The following RNF38 variants were observed in gnomAD, a reference collection of about 807,000 sequenced individuals.
RNF38 encodes the protein E3 ubiquitin-protein ligase RNF38.
In RNF38, 15 loss-of-function variants were observed where a neutral mutation model predicts 67.2. The ratio of observed to expected loss-of-function variants is 0.22; its 90% CI spans 0.15 to 0.34. The LOEUF (loss-of-function observed/expected upper bound fraction) is 0.34. Ranked by LOEUF, RNF38 falls within the 10% of genes least tolerant of loss-of-function variation. The probability of loss-of-function intolerance (pLI) is 1.00; values close to 1 mark genes in which losing one functional copy is unlikely to be tolerated. For synonymous variants in RNF38, 220 were observed against 218.8 expected (o/e 1.01, Z -0.05); for missense variants, 524 against 639.9 (o/e 0.82, Z 1.95).
At chr9:36,340,245 C>T (rs1334585086) in intron 11 of RNF38, among the ~76,000 whole-genome samples, 5 of 152,100 alleles carry the variant, frequency 3.3e-5, no homozygotes, top group Admixed American at 6.5e-5. Context: ...TCCCAAGGTG[C>T]TGGGATTACA....
intron 1 of RNF38, among the ~76,000 whole-genome samples, chr9:36,463,336 G>A (rs1839780503): frequency 1.3e-5 from 2 of 152,116 alleles, no homozygotes; most frequent in African/African-American, 4.8e-5. Context: ...TAATAAACTG[G>A]CACTTTCAGT....
intron 1 of RNF38, among the ~76,000 whole-genome samples, chr9:36,483,749 C>G (rs1382929763): frequency 2.0e-5 from 3 of 152,184 alleles, no homozygotes. Context: ...GACATAATGA[C>G]ATGTTTACCT....
chr9:36,424,669 A>C (rs886498812), exon 2 of RNF38: 1 of 985,512 alleles, frequency 1.0e-6, no homozygotes, highest in Non-Finnish European at 1.2e-6. Flanking sequence ...CACTGAAAAG[A>C]AGCACCAACA....
chr9:36,441,963 GA>G (rs1839201224), intron 1 of RNF38, among the ~76,000 whole-genome samples: 1 of 152,120 alleles, frequency 6.6e-6, no homozygotes, highest in African/African-American at 2.4e-5. Context: ...TATTATCACT[GA>G]ATATTAGCCT....
intron 2 of RNF38, among the ~76,000 whole-genome samples, chr9:36,417,537 A>AAT (rs1838508029): frequency 1.3e-5 from 2 of 152,184 alleles, no homozygotes; most frequent in South Asian, 4.1e-4. Context: ...TTGGAGACAG[A>AAT]ATCTCACTCT....
chr9:36,351,443 T>C (rs1274335352), intron 8 of RNF38, among the ~76,000 whole-genome samples: 1 of 152,230 alleles, frequency 6.6e-6, no homozygotes, highest in Non-Finnish European at 1.5e-5. Context: ...CATTCAGATG[T>C]CACTTTCTCC....
chr9:36,391,412 T>A (rs1837073890), intron 1 of RNF38, among the ~76,000 whole-genome samples: 2 of 152,134 alleles, frequency 1.3e-5, no homozygotes, highest in Non-Finnish European at 2.9e-5. Context: ...ATGAACATAA[T>A]GTGTTCCACT....
At chr9:36,465,776 C>T (rs1205094176) in intron 1 of RNF38, among the ~76,000 whole-genome samples, 2 of 152,060 alleles carry the variant, frequency 1.3e-5, no homozygotes, top group African/African-American at 2.4e-5. Context: ...GCTGGCCGGG[C>T]GCGGTGGCTC....
In RNF38 at chr9:36,354,632, T is replaced by C. The variant is rs551240659; in HGVS notation, c.910-1301A>G. Among the ~76,000 whole-genome samples, 12 of 152,348 alleles carry C rather than the reference T, an allele frequency of 7.9e-5. No homozygotes were observed. In the East Asian group the frequency reaches 1.2e-3, roughly 15 times the overall value. On this transcript the variant is annotated intron_variant, in intron 6 of 11. Coordinates refer to ENST00000259605, the MANE Select transcript of RNF38 (RefSeq NM_022781.5). ...CTCCTTTTTATGAGTGAGTATTACA[T>C]TGCATGGATATACCACTCTTTCGTC...
chr9:36,478,515 A>T (rs1408544840), intron 1 of RNF38, among the ~76,000 whole-genome samples: 8 of 126,372 alleles, frequency 6.3e-5, no homozygotes, highest in Admixed American at 2.3e-4. Context: ...GTAAGTATTT[A>T]AAAAAAAAAA....
chr9:36,382,412 T>C (rs1288417664), intron 2 of RNF38, among the ~76,000 whole-genome samples: 4 of 152,126 alleles, frequency 2.6e-5, no homozygotes, highest in Non-Finnish European at 5.9e-5. Flanking sequence ...ACCATTTTTA[T>C]TACCAAAACA....
At chr9:36,467,775 A>C (rs1839899563) in intron 1 of RNF38, among the ~76,000 whole-genome samples, 1 of 152,224 alleles carries the variant, frequency 6.6e-6, no homozygotes, top group African/African-American at 2.4e-5. Context: ...CTGGGATTAT[A>C]GTGGGGAGAG....
chr9:36,367,765 TA>T lies in RNF38; in HGVS notation c.570+1953del, dbSNP rs1196260148. 3.9e-5 allele frequency among the ~76,000 whole-genome samples: 6 copies of T among 152,360 alleles called. No homozygotes were observed. The East Asian group carries it at 1.2e-3, about 29-fold the overall frequency. The stretch of plus-strand genomic sequence containing the variant: ...CATTGTTAAGGTTGTGTTAGTTTCA[TA>T]AAATATATTTGGAAGCTATCTTTTT... On this transcript the variant is annotated intron_variant, in intron 4 of 11. Transcript: ENST00000259605.
intron 2 of RNF38, chr9:36,424,578 A>C: frequency 1.1e-6 from 1 of 945,328 alleles, no homozygotes; most frequent in African/African-American, 1.8e-5. Context: ...GTTGGCATGC[A>C]TTTTCCCCAT....
intron 2 of RNF38, among the ~76,000 whole-genome samples, chr9:36,413,435 AAC>A (rs1457265533): frequency 6.6e-6 from 1 of 152,182 alleles, no homozygotes; most frequent in East Asian, 1.9e-4. Context: ...TCTTTATAGC[AAC>A]ACAAGAACAG....
In RNF38 at chr9:36,400,224, G is replaced by A. The variant is rs531168094; in HGVS notation, c.-116C>T. 70 of 1,479,194 alleles carry A rather than the reference G, an allele frequency of 4.7e-5. No homozygotes were observed. The South Asian group carries it at 8.6e-4, about 18-fold the overall frequency. The allele number at this position is 1,479,194 out of a possible 1,614,324, so 91.6% of individuals were successfully genotyped here. On this transcript the variant is annotated 5_prime_UTR_variant, in exon 1 of 12. Coordinates refer to ENST00000259605, the MANE Select transcript of RNF38 (RefSeq NM_022781.5). ...CTGAAAGGAAGAACTTGCATCCCCTGAGAACAAAACGCAGCCTATCCAGAA... is the reference window on the plus strand; with the variant it reads ...CTGAAAGGAAGAACTTGCATCCCCTAAGAACAAAACGCAGCCTATCCAGAA...
At chr9:36,470,406 A>C (rs1306664083) in intron 1 of RNF38, among the ~76,000 whole-genome samples, 4 of 152,124 alleles carry the variant, frequency 2.6e-5, no homozygotes, top group African/African-American at 9.7e-5. Context: ...CCACTGAAAG[A>C]GCAGTGGTTT....
chr9:36,398,589 A>T (rs1837729296), intron 1 of RNF38, among the ~76,000 whole-genome samples: 2 of 152,200 alleles, frequency 1.3e-5, no homozygotes, highest in African/African-American at 4.8e-5. Flanking sequence ...TTTGCTGATG[A>T]ACTAGACAAG....
chr9:36,373,489 C>A (rs12377902), intron 3 of RNF38, among the ~76,000 whole-genome samples: 82,242 of 151,886 alleles, frequency 0.54, 23,378 homozygotes, highest in Non-Finnish European at 0.65. Context: ...AACAAGGTTA[C>A]CCTCTAAGAA....
Sources: allele counts gnomAD v4.1 joint callset (sites outside exome capture counted in the v4.1 genomes callset), GRCh38; gene constraint gnomAD v4.1.1; transcripts MANE v1.5; gene names NCBI Gene and HGNC (gene_info 2026-07-23, HGNC 2026-07-21).